Variants in ICA1L observed in about 807,000 individuals in gnomAD.
The protein encoded by ICA1L is islet cell autoantigen 1 like.
ICA1L carries 50 observed loss-of-function variants against 61.3 expected under a neutral mutation model. That is an observed-to-expected ratio of 0.82 (90% confidence interval 0.65 to 1.03). The LOEUF (loss-of-function observed/expected upper bound fraction) is 1.03, where lower values mean the gene tolerates loss of function less well. Among genes scored for constraint, ICA1L ranks in the 50% least tolerant of loss-of-function variants. The pLI is 0.00. For missense variants in ICA1L, 508 were observed against 556.7 expected (o/e 0.91, Z 0.88); for synonymous variants, 161 against 191.3 (o/e 0.84, Z 1.31).
At chr2:202,806,840 C>G (rs1032977601) in intron 9 of ICA1L, among the ~76,000 whole-genome samples, 1 of 152,114 alleles carries the variant, frequency 6.6e-6, no homozygotes, top group African/African-American at 2.4e-5. Context: ...AAGCCAGGAT[C>G]CAAACTCAGA....
intron 1 of ICA1L, among the ~76,000 whole-genome samples, chr2:202,837,282 G>GT (rs112156340): frequency 4.0e-4 from 60 of 149,210 alleles, no homozygotes; most frequent in African/African-American, 1.2e-3. Context: ...TTCCGTTGTT[G>GT]TTTTTTTTTG....
Position 202,849,975 on chromosome 2 carries a change from T to C in ICA1L, c.-7-20959A>G, listed in dbSNP as rs1694571755. Reference sequence around the variant, plus strand: ...GAACAGGCAGCAATCGTTGCTGTTCTGTAGCCTCTGCTGGTGATACCCAGG... The same window carrying C: ...GAACAGGCAGCAATCGTTGCTGTTCCGTAGCCTCTGCTGGTGATACCCAGG... On this transcript the variant is annotated intron_variant, in intron 1 of 12. Transcript: ENST00000358299. The surrounding 1 kb of genome is among the most constrained non-coding windows in gnomAD (Gnocchi z 4.5). 6.6e-6 allele frequency among the ~76,000 whole-genome samples: 1 copy of C among 152,222 alleles called. No homozygotes were observed. The highest frequency in any genetic ancestry group is 6.5e-5 in the Admixed American group (1 of 15,280).
intron 1 of ICA1L, among the ~76,000 whole-genome samples, chr2:202,846,877 T>C (rs1276399700): frequency 6.6e-6 from 1 of 152,250 alleles, no homozygotes; most frequent in Non-Finnish European, 1.5e-5. Context: ...CAAGACTATA[T>C]ATTAAATCAC....
rs1692226270 is a variant in ICA1L at position 202,776,454 on chromosome 2, T to C, written c.*3079A>G. On this transcript the variant is annotated 3_prime_UTR_variant, in exon 13 of 13. Transcript: ENST00000358299. ...TAAGGATAATTAATTTACTTCTTAT[T>C]GAATGGATTATCTAGATTGAGACAA... The C allele has an allele frequency of 6.6e-6, 1 of 152,232 alleles. No individual in the cohort carries two copies. Among genetic ancestry groups the C allele is most frequent in the Non-Finnish European group, 1.5e-5 (1 of 68,036 alleles). 9.4% of individuals were successfully genotyped at this position (152,232 alleles called of 1,614,324 possible). A position where few individuals can be genotyped will look rare whatever the true frequency, so the allele number is the denominator to read the frequency against.
chr2:202,798,663 A>G (rs1026727860), intron 9 of ICA1L, among the ~76,000 whole-genome samples: 1 of 151,618 alleles, frequency 6.6e-6, no homozygotes, highest in African/African-American at 2.4e-5. Context: ...TCTGAGTACA[A>G]TATATTTTTG....
intron 1 of ICA1L, among the ~76,000 whole-genome samples, chr2:202,853,057 T>C (rs892087050): frequency 2.6e-5 from 4 of 151,876 alleles, no homozygotes; most frequent in Non-Finnish European, 4.4e-5. Context: ...TAATTCAAGA[T>C]TGATCAAAGA....
chr2:202,820,136 G>T, intron 4 of ICA1L: 1 of 440,052 alleles, frequency 2.3e-6, no homozygotes, highest in Non-Finnish European at 4.1e-6. Context: ...CACTTTGGGA[G>T]GCCAAGGTGG....
chr2:202,867,516 A>T (rs980790531), intron 1 of ICA1L, among the ~76,000 whole-genome samples: 3 of 152,224 alleles, frequency 2.0e-5, no homozygotes, highest in African/African-American at 7.2e-5. Context: ...TACAATAAAA[A>T]TATGCTATTA....
chr2:202,819,514 T>G (rs1693636739), intron 5 of ICA1L, 187 bp downstream of exon 5: 5 of 583,490 alleles, frequency 8.6e-6, no homozygotes, highest in Non-Finnish European at 1.5e-5. Context: ...GGTGTGAAGA[T>G]GCCACTCCAG....
intron 9 of ICA1L, among the ~76,000 whole-genome samples, chr2:202,808,359 T>C (rs1310652331): frequency 6.6e-6 from 1 of 152,104 alleles, no homozygotes; most frequent in Non-Finnish European, 1.5e-5. Context: ...AGGGAGAGAC[T>C]CCTTCCGCAT....
At chr2:202,795,655 T>C (rs2105828563) in intron 10 of ICA1L, among the ~76,000 whole-genome samples, 1 of 152,122 alleles carries the variant, frequency 6.6e-6, no homozygotes, top group African/African-American at 2.4e-5. Flanking sequence ...ATTTGAAATA[T>C]AAACAAAGTC....
chr2:202,828,228 C>T (rs1693901640), intron 2 of ICA1L, among the ~76,000 whole-genome samples: 1 of 148,772 alleles, frequency 6.7e-6, no homozygotes, highest in Non-Finnish European at 1.5e-5. Context: ...CGCCCCATTG[C>T]ACTCCAGCCT....
intron 1 of ICA1L, among the ~76,000 whole-genome samples, chr2:202,852,514 CA>C (rs1313926601): frequency 6.6e-6 from 1 of 151,086 alleles, no homozygotes. Flanking sequence ...ACTAAAAACA[CA>C]AAAAAATTAC....
In ICA1L at chr2:202,849,700, C is replaced by G. The variant is rs1694562437; in HGVS notation, c.-7-20684G>C. Among the ~76,000 whole-genome samples the G allele has an allele frequency of 6.6e-6, 1 of 152,222 alleles. No individual in the cohort carries two copies. Among genetic ancestry groups the G allele is most frequent in the Admixed American group, 6.5e-5 (1 of 15,278 alleles). On this transcript the variant is annotated intron_variant, in intron 1 of 12. Transcript: ENST00000358299. The surrounding 1 kb of genome is among the most constrained non-coding windows in gnomAD (Gnocchi z 4.5). ...CTGGGGGAAGGGGCAACTGTGGGCACAGCTTCAGCGGACTTAACATGTTCC... is the reference window on the plus strand; with the variant it reads ...CTGGGGGAAGGGGCAACTGTGGGCAGAGCTTCAGCGGACTTAACATGTTCC...
At chr2:202,782,511 G>C (rs1419271807) in intron 12 of ICA1L, among the ~76,000 whole-genome samples, 1 of 151,006 alleles carries the variant, frequency 6.6e-6, no homozygotes, top group East Asian at 2.0e-4. Context: ...AGGTTCAAGT[G>C]ATTCTCCTTG....
At chr2:202,869,720 A>G (rs1687641063) in intron 1 of ICA1L, 1 of 152,152 alleles carries the variant, frequency 6.6e-6, no homozygotes, top group Non-Finnish European at 1.5e-5. Flanking sequence ...AAGGAATTTT[A>G]GTCTTTTTTT....
chr2:202,774,314 C>T lies in ICA1L; in HGVS notation c.*5219G>A, dbSNP rs1692148842. ...ACGGGCGACCGCGGACGGCGGCGCGCGCGTTCCCCGCAGCGCTGAGGCGAG... is the reference window on the plus strand; with the variant it reads ...ACGGGCGACCGCGGACGGCGGCGCGTGCGTTCCCCGCAGCGCTGAGGCGAG... On this transcript the variant is annotated 3_prime_UTR_variant, in exon 13 of 13. Transcript: ENST00000358299. The T allele has an allele frequency of 3.4e-6, 5 of 1,491,878 alleles. No homozygotes were observed. The highest frequency in any genetic ancestry group is 2.5e-5 in the East Asian group (1 of 39,500). 92.4% of individuals were successfully genotyped at this position (1,491,878 alleles called of 1,614,324 possible). A position where few individuals can be genotyped will look rare whatever the true frequency, so the allele number is the denominator to read the frequency against.
At chr2:202,832,728 A>G (rs1426194604) in intron 1 of ICA1L, among the ~76,000 whole-genome samples, 1 of 151,832 alleles carries the variant, frequency 6.6e-6, no homozygotes, top group African/African-American at 2.4e-5. Flanking sequence ...ACAGTGAGCT[A>G]TGATTATGCC....
chr2:202,849,256 T>C lies in ICA1L; in HGVS notation c.-7-20240A>G, dbSNP rs1303983846. ...TTTTGTTTTTGTTTTTGTACCCCAG[T>C]GGTGCCTGGAACCCCAGCGAGACAA... is the stretch of plus-strand genomic sequence containing the variant. On this transcript the variant is annotated intron_variant, in intron 1 of 12. Transcript: ENST00000358299. This position sits in a 1 kb window ranked among gnomAD's most constrained non-coding sequence, Gnocchi z 4.5. Among the ~76,000 whole-genome samples, 1 of 152,030 alleles carries C rather than the reference T, an allele frequency of 6.6e-6. No homozygotes were observed. The highest frequency in any genetic ancestry group is 2.4e-5 in the African/African-American group (1 of 41,384).
Sources: gnomAD v4.1 joint callset for allele counts (sites outside exome capture counted in the v4.1 genomes callset) on GRCh38, gnomAD v4.1.1 for gene constraint, Gnocchi (gnomAD v3.1) non-coding constraint, MANE v1.5 for transcripts, NCBI Gene and HGNC (gene_info 2026-07-23, HGNC 2026-07-21) for gene names.